RREB1: variants seen among roughly 807,000 people sequenced by gnomAD.
RREB1 encodes ras-responsive element-binding protein 1.
Under a neutral mutation model 117.8 loss-of-function variants are expected in RREB1, and 27 were observed. That is an observed-to-expected ratio of 0.23 (90% CI 0.17 to 0.32). The LOEUF (loss-of-function observed/expected upper bound fraction) is 0.32. Among genes scored for constraint, RREB1 ranks in the 10% least tolerant of loss-of-function variants. The pLI, the probability that RREB1 is intolerant of heterozygous loss-of-function variation, is 1.00. For missense variants in RREB1, 2,577 were observed against 2,378.2 expected, an observed-to-expected ratio of 1.08 and a Z score of -1.74; for synonymous variants, 1,298 against 1,026.7, an observed-to-expected ratio of 1.26 and a Z score of -5.05.
intron 1 of RREB1, among the ~76,000 whole-genome samples, chr6:7,117,982 CTA>C (rs1761489510): frequency 6.6e-6 from 1 of 152,274 alleles, no homozygotes; most frequent in African/African-American, 2.4e-5. Flanking sequence ...AAATATATTA[CTA>C]TAAATATTTT....
At chr6:7,209,730 CA>C (rs541384147) in intron 6 of RREB1, among the ~76,000 whole-genome samples, 1 of 152,006 alleles carries the variant, frequency 6.6e-6, no homozygotes, top group Admixed American at 6.5e-5. Context: ...ATCTCAACAA[CA>C]AAAAAGGAGA....
chr6:7,231,734 C>G lies in RREB1; in HGVS notation c.3635C>G (p.Pro1212Arg), dbSNP rs1025873871. 3.7e-6 allele frequency: 6 copies of G among 1,613,886 alleles called. No individual in the cohort carries two copies. The highest frequency in any genetic ancestry group is 5.1e-6 in the Non-Finnish European group (6 of 1,180,024). The stretch of plus-strand genomic sequence containing the variant: ...ACTCAGGATGAGGTGGCCGGAGCCC[C>G]TGCCGACCACCATGGGCCCAGTGAT... ...DNTQDEVAGA[P>R]ADHHGPSDEE... The change falls in exon 10 of 13, where the codon CCT becomes CGT. Residue 1212 changes from proline to arginine, a missense_variant. Transcript: ENST00000379938.
rs534088864 is a variant in RREB1, at chr6:7,126,818, C to CT, written c.-285+18759dup. Among the ~76,000 whole-genome samples the CT allele has an allele frequency of 9.2e-5, 14 of 152,246 alleles. No homozygotes were observed. In the South Asian group the frequency reaches 2.9e-3, roughly 32 times the overall value. On this transcript the variant is annotated intron_variant, in intron 1 of 12. Coordinates refer to ENST00000379938, the MANE Select transcript of RREB1 (RefSeq NM_001003699.4). ...CAAGAACCGTTTCTTGACACTTGCC[C>CT]TGGGTACCAGCCTCTGGAAATGCAA... is the stretch of plus-strand genomic sequence containing the variant.
intron 1 of RREB1, among the ~76,000 whole-genome samples, chr6:7,150,822 T>C (rs1270307460): frequency 3.3e-5 from 5 of 152,358 alleles, no homozygotes; most frequent in African/African-American, 1.2e-4. Flanking sequence ...ACCTGCAGCC[T>C]GTTGCAATGG....
Position 7,230,691 on chromosome 6 carries a change from A to G in RREB1, c.2592A>G (p.Glu864=). 6.3e-7 allele frequency: 1 copy of G among 1,591,990 alleles called. No homozygotes were observed. Among genetic ancestry groups the G allele is most frequent in the Non-Finnish European group, 8.6e-7 (1 of 1,168,274 alleles). The change falls in exon 10 of 13, where the codon GAA becomes GAG. Residue 864 remains glutamate (E), a synonymous_variant. Transcript: ENST00000379938. ...GCAAGCCCCTCACTGCCTTCCTGGA[A>G]CCCCAGAACGGCTTTCTTCACAGGG... ...GDCKPLTAFL[E]PQNGFLHRGP... is the part of the protein sequence containing the mutation.
intron 1 of RREB1, among the ~76,000 whole-genome samples, chr6:7,125,048 T>C (rs1267352654): frequency 6.6e-5 from 10 of 152,238 alleles, no homozygotes; most frequent in Non-Finnish European, 1.5e-4. Context: ...AACAGCAGAT[T>C]ACAGCTTACC....
At chr6:7,226,008 A>G (rs1236650258) in intron 8 of RREB1, among the ~76,000 whole-genome samples, 1 of 152,234 alleles carries the variant, frequency 6.6e-6, no homozygotes, top group Non-Finnish European at 1.5e-5. Context: ...TCAGATGCCA[A>G]GGATGCTGAT....
At chr6:7,234,526 G>T (rs1768198283) in intron 10 of RREB1, among the ~76,000 whole-genome samples, 1 of 152,220 alleles carries the variant, frequency 6.6e-6, no homozygotes, top group Non-Finnish European at 1.5e-5. Context: ...GTCAGTGTTG[G>T]TTTAAAATTT....
At chr6:7,203,577 C>G (rs765385840) in intron 6 of RREB1, among the ~76,000 whole-genome samples, 3 of 152,138 alleles carry the variant, frequency 2.0e-5, no homozygotes, top group Non-Finnish European at 2.9e-5. Context: ...GAGAGAAGCT[C>G]TGGGCTGATG....
rs750332705 is a variant in RREB1, at chr6:7,229,982, C to A, written c.1883C>A (p.Thr628Lys). The A allele has an allele frequency of 3.2e-5, 51 of 1,607,256 alleles. No homozygotes were observed. Among genetic ancestry groups the A allele is most frequent in the Non-Finnish European group, 4.0e-5 (47 of 1,175,516 alleles). Residue 628 changes from threonine to lysine, a missense_variant, in exon 10 of 13, where the codon ACA becomes AAA. Transcript: ENST00000379938. This position sits in a 1 kb window ranked among gnomAD's most constrained non-coding sequence, Gnocchi z 4.5. ...GAGGGGGAACTCAAGGCCTTCATGA[C>A]AGCGCCCGGCGGCAAGAAGACGCCC... ...ITEGELKAFM[T>K]APGGKKTPAM... is the part of the protein sequence containing the mutation.
chr6:7,232,386 T>C (rs1768051021), intron 10 of RREB1, among the ~76,000 whole-genome samples: 1 of 152,256 alleles, frequency 6.6e-6, no homozygotes, highest in Non-Finnish European at 1.5e-5. Context: ...TTTTTTTGGA[T>C]GCCATGTCTT....
At chr6:7,124,911 G>T (rs1368403726) in intron 1 of RREB1, among the ~76,000 whole-genome samples, 1 of 152,174 alleles carries the variant, frequency 6.6e-6, no homozygotes, top group Non-Finnish European at 1.5e-5. Context: ...CTGTGCTTCT[G>T]ACCTCTGGCA....
Position 7,210,826 on chromosome 6 carries a change from G to T in RREB1, c.448G>T (p.Asp150Tyr). The change falls in exon 7 of 13, where the codon GAC becomes TAC. Residue 150 changes from aspartate to tyrosine, a missense_variant. Physicochemically the swap from Asp to Tyr is radical, Grantham distance 160. Coordinates refer to ENST00000379938, the MANE Select transcript of RREB1 (RefSeq NM_001003699.4). ...CAGACATATGAAGATCCATGAGAAG[G>T]ACCCTAACAGTGCCACAGCCACAGC... The part of the protein sequence containing the change: ...MHRHMKIHEK[D>Y]PNSATATAPP... 1.2e-6 allele frequency: 2 copies of T among 1,613,862 alleles called. No homozygotes were observed. The highest frequency in any genetic ancestry group is 1.7e-6 in the Non-Finnish European group (2 of 1,179,828).
At chr6:7,239,820 A>T (rs77510523) in intron 10 of RREB1, among the ~76,000 whole-genome samples, 17,059 of 152,312 alleles carry the variant, frequency 0.11, 1,363 homozygotes, top group Non-Finnish European at 0.17. Flanking sequence ...GAACTTGAAC[A>T]GAGGTCACTG....
chr6:7,171,473 A>T (rs971845897), intron 1 of RREB1, among the ~76,000 whole-genome samples: 1 of 152,194 alleles, frequency 6.6e-6, no homozygotes, highest in Non-Finnish European at 1.5e-5. Flanking sequence ...GGAGTCGCAC[A>T]CTTTTCCAAA....
chr6:7,136,970 G>A (rs897189984), intron 1 of RREB1, among the ~76,000 whole-genome samples: 5 of 152,212 alleles, frequency 3.3e-5, no homozygotes, highest in African/African-American at 9.7e-5. Context: ...AAGCCACCGC[G>A]GCACCTGGCC....
At chr6:7,112,873 G>T (rs193058793) in intron 1 of RREB1, among the ~76,000 whole-genome samples, 4 of 152,212 alleles carry the variant, frequency 2.6e-5, no homozygotes, top group Non-Finnish European at 4.4e-5. Context: ...AACTGCAGCC[G>T]AGTGTAGCTG....
chr6:7,240,867 C>T (rs1768665100), intron 11 of RREB1, among the ~76,000 whole-genome samples: 1 of 152,132 alleles, frequency 6.6e-6, no homozygotes, highest in Non-Finnish European at 1.5e-5. Context: ...GAAGATCTGT[C>T]ACCCTCTTGG....
intron 6 of RREB1, among the ~76,000 whole-genome samples, chr6:7,201,788 C>T (rs1766002250): frequency 6.6e-6 from 1 of 152,154 alleles, no homozygotes; most frequent in African/African-American, 2.4e-5. Flanking sequence ...TATAACCCAG[C>T]TTGCTCAAGA....
Sources: gnomAD v4.1 joint callset for allele counts (sites outside exome capture counted in the v4.1 genomes callset) on GRCh38, gnomAD v4.1.1 for gene constraint, Gnocchi (gnomAD v3.1) non-coding constraint, MANE v1.5 for transcripts, NCBI Gene and HGNC (gene_info 2026-07-23, HGNC 2026-07-21) for gene names.